The following CRKL variants were observed in gnomAD, a reference collection of about 807,000 sequenced individuals.
The protein encoded by CRKL is crk-like protein.
CRKL carries 3 observed loss-of-function variants against 23.0 expected under a neutral mutation model. The observed-to-expected ratio is 0.13, with a 90% CI of 0.06 to 0.34. The LOEUF (loss-of-function observed/expected upper bound fraction) is 0.34, where lower values mean the gene tolerates loss of function less well. Ranked by LOEUF, CRKL falls within the 10% of genes least tolerant of loss-of-function variation. CRKL has a pLI of 1.00. For synonymous variants in CRKL, 188 were observed against 160.7 expected, an observed-to-expected ratio of 1.17 and a Z score of -1.28; for missense variants, 256 against 394.5, an observed-to-expected ratio of 0.65 and a Z score of 2.97.
Position 20,917,756 on chromosome 22 carries a change from C to T in CRKL, c.-179C>T, listed in dbSNP as rs1287035100. On this transcript the variant is annotated 5_prime_UTR_variant, in exon 1 of 3. Transcript: ENST00000354336. Reference sequence around the variant, plus strand: ...TGGCGGCCCCGGAGCAGGCGGGCGGCGTCGGAGGATGCTGCGGGCCCGGAG... The same window carrying T: ...TGGCGGCCCCGGAGCAGGCGGGCGGTGTCGGAGGATGCTGCGGGCCCGGAG... 2.2e-5 allele frequency: 14 copies of T among 631,300 alleles called. No homozygotes were observed. The South Asian group carries it at 2.4e-4, about 11-fold the overall frequency. The allele number at this position is 631,300 out of a possible 1,614,324, so 39.1% of individuals were successfully genotyped here.
Position 20,949,798 on chromosome 22 carries a change from A to T in CRKL, c.865A>T (p.Thr289Ser), listed in dbSNP as rs1305274368. 1 of 1,612,192 alleles carries T rather than the reference A, an allele frequency of 6.2e-7. No individual in the cohort carries two copies. The highest frequency in any genetic ancestry group is 8.5e-7 in the Non-Finnish European group (1 of 1,179,358). ...VNGRKGLFPF[T>S]HVKIFDPQNP... ...CGGGCGCAAAGGGCTTTTCCCCTTT[A>T]CGCACGTCAAAATCTTTGACCCTCA... is the stretch of plus-strand genomic sequence containing the variant. Residue 289 changes from threonine (T) to serine (S), a missense_variant, in exon 3 of 3, where the codon ACG (threonine) becomes TCG (serine). Transcript: ENST00000354336.
intron 2 of CRKL, among the ~76,000 whole-genome samples, chr22:20,942,895 G>A (rs911052069): frequency 1.3e-5 from 2 of 152,096 alleles, no homozygotes; most frequent in East Asian, 1.9e-4. Flanking sequence ...TGGGATTATA[G>A]GCATGAGCCT....
chr22:20,941,238 T>C (rs542800906), intron 2 of CRKL, among the ~76,000 whole-genome samples: 55 of 152,088 alleles, frequency 3.6e-4, no homozygotes, highest in African/African-American at 1.2e-3. Context: ...ATCTCAGGTG[T>C]GTCCTTCCCA....
At chr22:20,927,111 C>CAAAAAAAAAAAAAAAAAAAA (rs371278201) in intron 1 of CRKL, among the ~76,000 whole-genome samples, 43 of 48,522 alleles carry the variant, frequency 8.9e-4, no homozygotes, top group Non-Finnish European at 1.1e-3. Context: ...GACTCCGTCT[C>CAAAAAAAAAAAAAAAAAAAA]AAAAAAAAAA....
intron 2 of CRKL, among the ~76,000 whole-genome samples, chr22:20,947,675 CATTTTTTTTTTTTT>C (rs1210850394): frequency 3.5e-5 from 3 of 86,014 alleles, no homozygotes; most frequent in African/African-American, 1.4e-4. Flanking sequence ...TTCTTTTTTT[CATTTTTTTTTTTTT>C]TTTTTTTTGA....
In CRKL at chr22:20,933,843, G is replaced by A. The variant is rs1344311195; in HGVS notation, c.376G>A (p.Glu126Lys). The A allele has an allele frequency of 1.2e-6, 2 of 1,614,004 alleles. No individual in the cohort carries two copies. Among genetic ancestry groups the A allele is most frequent in the African/African-American group, 1.3e-5 (1 of 74,888 alleles). The change falls in exon 2 of 3, where the codon GAA becomes AAA. Residue 126 changes from glutamate (E) to lysine (K), a missense_variant. Around this residue, in one of 3 missense-constraint regions of CRKL, gnomAD observed 42 missense variants for 32.7 expected, o/e 1.29. Transcript: ENST00000354336. ...CCTGCCTACAGCAGAAGATAACCTG[G>A]AATATGTACGGACTCTGTATGATTT... ...PNLPTAEDNL[E>K]YVRTLYDFPG... is the part of the protein sequence containing the mutation.
chr22:20,942,076 C>T (rs1921903152), intron 2 of CRKL, among the ~76,000 whole-genome samples: 1 of 152,110 alleles, frequency 6.6e-6, no homozygotes, highest in Admixed American at 6.6e-5. Flanking sequence ...TGACTGCTCC[C>T]ACACTAAGAG....
intron 2 of CRKL, among the ~76,000 whole-genome samples, chr22:20,945,786 C>G (rs1601685927): frequency 1.3e-5 from 2 of 152,064 alleles, no homozygotes; most frequent in Non-Finnish European, 2.9e-5. Context: ...TCCGTGAGGG[C>G]CAGGGGTGTT....
At chr22:20,921,278 G>A (rs1447536158) in intron 1 of CRKL, among the ~76,000 whole-genome samples, 2 of 152,128 alleles carry the variant, frequency 1.3e-5, no homozygotes, top group Non-Finnish European at 2.9e-5. Flanking sequence ...TGTCCTACTC[G>A]AAATTTAAGG....
At chr22:20,931,318 G>A (rs1216324831) in intron 1 of CRKL, among the ~76,000 whole-genome samples, 1 of 152,132 alleles carries the variant, frequency 6.6e-6, no homozygotes, top group Admixed American at 6.6e-5. Flanking sequence ...GAAGTGGGAG[G>A]ATCACTTGAG....
chr22:20,923,358 G>C (rs9613292), intron 1 of CRKL, among the ~76,000 whole-genome samples: 2 of 150,340 alleles, frequency 1.3e-5, no homozygotes, highest in Admixed American at 6.6e-5. Flanking sequence ...CTCACTGCAA[G>C]CTCCGCCTCC....
rs1427790468 is a variant in CRKL, at chr22:20,917,708, A to G, written c.-227A>G. ...CCCCGACCCCCCGGCTCTGCCGTGCATTCCCGGGCGGCTCTCTCCGTGTGG... is the reference window on the plus strand; with the variant it reads ...CCCCGACCCCCCGGCTCTGCCGTGCGTTCCCGGGCGGCTCTCTCCGTGTGG... On this transcript the variant is annotated 5_prime_UTR_variant, in exon 1 of 3. Transcript: ENST00000354336. 4 of 567,978 alleles carry G rather than the reference A, an allele frequency of 7.0e-6. No homozygotes were observed. The highest frequency in any genetic ancestry group is 6.6e-5 in the Admixed American group (2 of 30,356). 35.2% of individuals were successfully genotyped at this position (567,978 alleles called of 1,614,324 possible). A position where few individuals can be genotyped will look rare whatever the true frequency, so the allele number is the denominator to read the frequency against.
At position 20,944,268 on chromosome 22, in the gene CRKL, T is replaced by C. The variant is rs911978171; in HGVS notation, c.778-5443T>C. Among the ~76,000 whole-genome samples, 7 of 147,284 alleles carry C rather than the reference T, an allele frequency of 4.8e-5. No homozygotes were observed. In the East Asian group the frequency reaches 1.4e-3, roughly 30 times the overall value. The stretch of plus-strand genomic sequence containing the variant: ...CCTCCCAAAGTGCTGGCATTACAGG[T>C]GTGAGCCACTGCACCTAGCCAATAT... On this transcript the variant is annotated intron_variant, in intron 2 of 2. Transcript: ENST00000354336.
intron 2 of CRKL, among the ~76,000 whole-genome samples, chr22:20,939,106 C>T (rs1482852247): frequency 6.6e-6 from 1 of 152,048 alleles, no homozygotes; most frequent in Non-Finnish European, 1.5e-5. Context: ...ACTTGGACAC[C>T]TCCAAAAAAA....
In CRKL at chr22:20,917,896, C is replaced by A. The variant is rs2147891113; in HGVS notation, c.-39C>A. On this transcript the variant is annotated 5_prime_UTR_variant, in exon 1 of 3. Transcript: ENST00000354336. ...AGGCGTGCAGAGCAGGCGAGGACAG[C>A]CGCCGCCCCTACCGCCGCAGAGTCC... 1 of 1,588,974 alleles carries A rather than the reference C, an allele frequency of 6.3e-7. No individual in the cohort carries two copies. Among genetic ancestry groups the A allele is most frequent in the South Asian group, 1.1e-5 (1 of 87,692 alleles).
At chr22:20,923,765 TG>T (rs1414249625) in intron 1 of CRKL, among the ~76,000 whole-genome samples, 1 of 150,944 alleles carries the variant, frequency 6.6e-6, no homozygotes, top group Non-Finnish European at 1.5e-5. Context: ...TTAGTAGAGA[TG>T]GGGTTTCACC....
At chr22:20,945,074 A>G (rs1375245868) in intron 2 of CRKL, among the ~76,000 whole-genome samples, 2 of 151,202 alleles carry the variant, frequency 1.3e-5, no homozygotes, top group Non-Finnish European at 2.9e-5. Context: ...GCTCACTGCA[A>G]GCGCCACCTC....
At chr22:20,944,873 C>T (rs2147914444) in intron 2 of CRKL, among the ~76,000 whole-genome samples, 1 of 152,066 alleles carries the variant, frequency 6.6e-6, no homozygotes, top group South Asian at 2.1e-4. Flanking sequence ...GCCACCACGC[C>T]CAGCTAACTT....
chr22:20,953,048 A>G lies in CRKL; in HGVS notation c.*3203A>G, dbSNP rs1922335710. The G allele has an allele frequency of 4.3e-6, 1 of 232,192 alleles. No homozygotes were observed. Among genetic ancestry groups the G allele is most frequent in the Non-Finnish European group, 8.5e-6 (1 of 117,174 alleles). 14.4% of individuals were successfully genotyped at this position (232,192 alleles called of 1,614,324 possible). On this transcript the variant is annotated 3_prime_UTR_variant, in exon 3 of 3. Coordinates refer to ENST00000354336, the MANE Select transcript of CRKL (RefSeq NM_005207.4). ...TACAGACAAGGCAGGCCTGAGGCAG[A>G]TGGCCACTGCTCTTGTGATGTTTGC...
Sources: allele counts gnomAD v4.1 joint callset (sites outside exome capture counted in the v4.1 genomes callset), GRCh38; gene constraint gnomAD v4.1.1; regional missense constraint gnomAD v4.1.1; transcripts MANE v1.5; gene names NCBI Gene and HGNC (gene_info 2026-07-23, HGNC 2026-07-21).